Variants in LRRK2 observed in about 807,000 individuals in gnomAD.
LRRK2 encodes leucine-rich repeat serine/threonine-protein kinase 2.
A neutral mutation model predicts 302.6 loss-of-function variants in LRRK2; 203 were observed. That is an observed-to-expected ratio of 0.67 (90% CI 0.60 to 0.75). LRRK2 has a LOEUF of 0.75. LRRK2 is among the 30% of genes least tolerant of loss of function. The pLI is 0.00. For synonymous variants in LRRK2, 1,066 were observed against 1,031.9 expected (o/e 1.03, Z -0.63); for missense variants, 2,830 against 2,951.0 (o/e 0.96, Z 0.95).
rs571572005 is a variant in LRRK2, at chr12:40,280,353, G to C, written c.2241+2092G>C. On this transcript the variant is annotated intron_variant, in intron 18 of 50. Transcript: ENST00000298910. ...ACATGTAGTCCTAGCTTCATGCAGGGTGGCTCATGCCTGTAATCCCAGGGC... is the reference window on the plus strand; with the variant it reads ...ACATGTAGTCCTAGCTTCATGCAGGCTGGCTCATGCCTGTAATCCCAGGGC... Among the ~76,000 whole-genome samples, 8 of 152,218 alleles carry C rather than the reference G, an allele frequency of 5.3e-5. 1 individual carries two copies. In the South Asian group the frequency reaches 1.7e-3, roughly 32 times the overall value.
At chr12:40,280,450 C>T (rs531673575) in intron 18 of LRRK2, among the ~76,000 whole-genome samples, 1 of 151,080 alleles carries the variant, frequency 6.6e-6, no homozygotes, top group South Asian at 2.1e-4. Context: ...ATAGTTAGAC[C>T]CCCATGTCTA....
At chr12:40,346,073 A>T (rs1208485534) in intron 41 of LRRK2, among the ~76,000 whole-genome samples, 1 of 152,196 alleles carries the variant, frequency 6.6e-6, no homozygotes, top group African/African-American at 2.4e-5. Flanking sequence ...TATTATCACA[A>T]ATGTTGAAAT....
At chr12:40,316,276 A>G (rs1945216745) in intron 33 of LRRK2, 1 of 978,102 alleles carries the variant, frequency 1.0e-6, no homozygotes, top group South Asian at 4.7e-5. Context: ...ATTCCATCTA[A>G]GGAAAAAAAG....
intron 14 of LRRK2, among the ~76,000 whole-genome samples, chr12:40,271,030 A>T (rs1165608752): frequency 6.6e-6 from 1 of 151,888 alleles, no homozygotes; most frequent in Non-Finnish European, 1.5e-5. Context: ...TCCTGCCTCG[A>T]CCTCCCAAAG....
intron 5 of LRRK2, among the ~76,000 whole-genome samples, chr12:40,238,383 G>A (rs1000641689): frequency 6.6e-6 from 1 of 152,068 alleles, no homozygotes; most frequent in African/African-American, 2.4e-5. Flanking sequence ...TGGATGTGTG[G>A]GTGCTATGAA....
At chr12:40,310,109 T>G (rs939490348) in intron 30 of LRRK2, among the ~76,000 whole-genome samples, 2 of 152,070 alleles carry the variant, frequency 1.3e-5, no homozygotes, top group Admixed American at 6.6e-5. Context: ...GTTTATGAAA[T>G]GCTTATTTTA....
chr12:40,244,667 G>T (rs1185669776), intron 7 of LRRK2, among the ~76,000 whole-genome samples: 2 of 146,216 alleles, frequency 1.4e-5, no homozygotes, highest in Non-Finnish European at 3.0e-5. Flanking sequence ...GGATAATAAT[G>T]TTTTGGTGGT....
chr12:40,322,157 A>T lies in LRRK2; in HGVS notation c.5293A>T (p.Ile1765Phe). Reference protein sequence around the residue: ...LDNHPESFLKITVPSCRKGCI... With the variant: ...LDNHPESFLKFTVPSCRKGCI... ...CAATCATCCAGAGAGTTTCTTAAAA[A>T]TTACAGTTCCTTCTTGTAGAAAAGG... Residue 1765 changes from isoleucine (I) to phenylalanine (F), a missense_variant, in exon 36 of 51, where the codon ATT becomes TTT. By Grantham distance (21) the Ile-to-Phe change is conservative. Transcript: ENST00000298910. 1 of 1,612,786 alleles carries T rather than the reference A, an allele frequency of 6.2e-7. No homozygotes were observed. Among genetic ancestry groups the T allele is most frequent in the Non-Finnish European group, 8.5e-7 (1 of 1,179,210 alleles).
chr12:40,322,357 T>A lies in LRRK2; in HGVS notation c.5356T>A (p.Ser1786Thr), dbSNP rs1272335841. The change falls in exon 37 of 51, where the codon TCT becomes ACT. Residue 1786 changes from serine (S) to threonine (T), a missense_variant. Coordinates refer to ENST00000298910, the MANE Select transcript of LRRK2 (RefSeq NM_198578.4). Reference protein sequence around the residue: ...LLGQVVDHIDSLMEEWFPGLL... With the variant: ...LLGQVVDHIDTLMEEWFPGLL... Reference sequence around the variant, plus strand: ...GGGCCAAGTTGTGGACCACATTGATTCTCTCATGGAAGAATGGTTTCCTGG... The same window carrying A: ...GGGCCAAGTTGTGGACCACATTGATACTCTCATGGAAGAATGGTTTCCTGG... 6.2e-7 allele frequency: 1 copy of A among 1,613,634 alleles called. No individual in the cohort carries two copies. Among genetic ancestry groups the A allele is most frequent in the East Asian group, 2.2e-5 (1 of 44,868 alleles).
Position 40,328,473 on chromosome 12 carries a change from A to G in LRRK2, c.5757+13A>G, listed in dbSNP as rs1945617357. The G allele has an allele frequency of 1.9e-6, 3 of 1,543,872 alleles. No homozygotes were observed. The highest frequency in any genetic ancestry group is 2.3e-5 in the East Asian group (1 of 43,938). ...GCTGTTAAGACAAGTAAGAAATTCA[A>G]TAATATAATTATATTAAATTGCACA... On this transcript the variant is annotated intron_variant, in intron 39 of 50. Transcript: ENST00000298910.
intron 13 of LRRK2, among the ~76,000 whole-genome samples, chr12:40,260,039 C>T (rs1333668394): frequency 1.3e-5 from 2 of 152,084 alleles, no homozygotes; most frequent in East Asian, 3.9e-4. Context: ...GTGGCTTGTA[C>T]TCATTTACCT....
chr12:40,235,749 A>G (rs777413706), intron 4 of LRRK2, 35 bp downstream of exon 4: 11 of 1,311,552 alleles, frequency 8.4e-6, no homozygotes, highest in Non-Finnish European at 1.2e-5. Flanking sequence ...GTTGATTCAA[A>G]TTAAAAAAAA....
intron 40 of LRRK2, among the ~76,000 whole-genome samples, chr12:40,337,300 TCCTC>T (rs1945900503): frequency 6.6e-6 from 1 of 152,236 alleles, no homozygotes; most frequent in Non-Finnish European, 1.5e-5. Context: ...TGCTCTCTCT[TCCTC>T]CATCTTGCTT....
chr12:40,317,611 G>C (rs972136201), intron 33 of LRRK2, among the ~76,000 whole-genome samples: 1 of 152,026 alleles, frequency 6.6e-6, no homozygotes, highest in Non-Finnish European at 1.5e-5. Context: ...ATATGAAAGA[G>C]ACCTATTCAA....
intron 39 of LRRK2, 138 bp from the exon 40 acceptor site, chr12:40,334,829 A>G (rs1945820842): frequency 9.9e-7 from 1 of 1,006,564 alleles, no homozygotes; most frequent in African/African-American, 1.6e-5. Flanking sequence ...AAAAAAACTC[A>G]GAGAAGAAAT....
Position 40,263,907 on chromosome 12 carries a change from T to G in LRRK2, c.1656+6T>G. ...TCCTAGCAGCTTTGAACAGGGTATG[T>G]TGAATATAAGTTTTCTGTATTTATA... is the stretch of plus-strand genomic sequence containing the variant. On this transcript the variant is annotated splice_donor_region_variant and intron_variant, in intron 14 of 50. Transcript: ENST00000298910. 1 of 1,584,736 alleles carries G rather than the reference T, an allele frequency of 6.3e-7. No individual in the cohort carries two copies. Among genetic ancestry groups the G allele is most frequent in the Non-Finnish European group, 8.7e-7 (1 of 1,153,988 alleles).
intron 18 of LRRK2, among the ~76,000 whole-genome samples, chr12:40,281,834 A>G (rs1340340464): frequency 6.6e-6 from 1 of 152,224 alleles, no homozygotes; most frequent in Non-Finnish European, 1.5e-5. Context: ...AATAGAGAAT[A>G]TAAAATGGGT....
intron 7 of LRRK2, 59 bp downstream of exon 7, chr12:40,243,740 C>T: frequency 2.1e-6 from 3 of 1,439,396 alleles, no homozygotes; most frequent in Non-Finnish European, 2.9e-6. Flanking sequence ...ACATATAAAA[C>T]ATATATATGT....
chr12:40,276,607 G>A (rs1035726897), intron 16 of LRRK2, among the ~76,000 whole-genome samples: 15 of 152,178 alleles, frequency 9.9e-5, no homozygotes, highest in African/African-American at 2.9e-4. Context: ...TCAGTTCAGT[G>A]TTTAAAAGTT....
Sources: allele counts gnomAD v4.1 joint callset (sites outside exome capture counted in the v4.1 genomes callset), GRCh38; gene constraint gnomAD v4.1.1; transcripts MANE v1.5; gene names NCBI Gene and HGNC (gene_info 2026-07-23, HGNC 2026-07-21).